Variants in ZNF862 observed in about 807,000 individuals in gnomAD.
The protein encoded by ZNF862 is zinc finger protein 862.
A neutral mutation model predicts 91.1 loss-of-function variants in ZNF862; 64 were observed. The ratio of observed to expected loss-of-function variants is 0.70; its 90% CI spans 0.57 to 0.87. The LOEUF (loss-of-function observed/expected upper bound fraction) is 0.87, where lower values mean the gene tolerates loss of function less well. Among genes scored for constraint, ZNF862 ranks in the 40% least tolerant of loss-of-function variants. The probability of loss-of-function intolerance (pLI) is 0.00; values close to 1 mark genes in which losing one functional copy is unlikely to be tolerated. For missense variants in ZNF862, 1,459 were observed against 1,528.0 expected (o/e 0.95, Z 0.75); for synonymous variants, 631 against 618.1 (o/e 1.02, Z -0.31).
Position 149,850,010 on chromosome 7 carries a change from T to C in ZNF862, c.940-151T>C. On this transcript the variant is annotated intron_variant, in intron 4 of 7. Transcript: ENST00000223210. The surrounding 1 kb of genome is among the most constrained non-coding windows in gnomAD (Gnocchi z 4.2). ...TTCTGGCCTCCTGAATTTGATTCTT[T>C]GACTTTCAGTGGATAAATTAATTCC... 1 of 788,984 alleles carries C rather than the reference T, an allele frequency of 1.3e-6. No individual in the cohort carries two copies. Among genetic ancestry groups the C allele is most frequent in the Non-Finnish European group, 2.0e-6 (1 of 495,770 alleles). 48.9% of individuals were successfully genotyped at this position (788,984 alleles called of 1,614,324 possible). A position where few individuals can be genotyped will look rare whatever the true frequency, so the allele number is the denominator to read the frequency against.
rs1428554295 is a variant in ZNF862 at position 149,861,889 on chromosome 7, T to C, written c.2729T>C (p.Leu910Pro). Reference protein sequence around the residue: ...GRLHGICLDKLEVAEQRFQAD... With the variant: ...GRLHGICLDKPEVAEQRFQAD... ...CTCCACGGCATCTGCTTGGACAAAC[T>C]GGAGGTAGCGGAACAGCGGTTCCAG... The change falls in exon 7 of 8, where the codon CTG becomes CCG. Residue 910 changes from leucine to proline, a missense_variant. Physicochemically the swap from Leu to Pro is moderately conservative, Grantham distance 98. Transcript: ENST00000223210. This position sits in a 1 kb window ranked among gnomAD's most constrained non-coding sequence, Gnocchi z 6.7. The C allele has an allele frequency of 1.9e-6, 3 of 1,613,502 alleles. No individual in the cohort carries two copies. In the African/African-American group the frequency reaches 4.0e-5, roughly 22 times the overall value.
rs773540981 is a variant in ZNF862, at chr7:149,867,334, C to G, written c.*3050C>G. 1.3e-5 allele frequency: 2 copies of G among 152,160 alleles called. No individual in the cohort carries two copies. The highest frequency in any genetic ancestry group is 4.8e-5 in the African/African-American group (2 of 41,414). 9.4% of individuals were successfully genotyped at this position (152,160 alleles called of 1,614,324 possible). ...AGTGTGGAGGGGCGGGTCCCTCATACAGGTGTGTGCTTAGCCAAATACAGT... is the reference window on the plus strand; with the variant it reads ...AGTGTGGAGGGGCGGGTCCCTCATAGAGGTGTGTGCTTAGCCAAATACAGT... On this transcript the variant is annotated 3_prime_UTR_variant, in exon 8 of 8. Coordinates refer to ENST00000223210, the MANE Select transcript of ZNF862 (RefSeq NM_001099220.3).
chr7:149,861,654 A>G lies in ZNF862; in HGVS notation c.2494A>G (p.Met832Val), dbSNP rs1327221689. The G allele has an allele frequency of 3.7e-6, 6 of 1,608,134 alleles. No homozygotes were observed. The highest frequency in any genetic ancestry group is 1.7e-5 in the Admixed American group (1 of 59,500). The change falls in exon 7 of 8, where the codon ATG becomes GTG. Residue 832 changes from methionine to valine, a missense_variant. Met to Val is a conservative substitution (Grantham distance 21). Transcript: ENST00000223210. The surrounding 1 kb of genome is among the most constrained non-coding windows in gnomAD (Gnocchi z 6.7). The stretch of plus-strand genomic sequence containing the variant: ...CCGGGCCAAAGGGATGCTGAAGCTC[A>G]TGCGCGGCTTCCACTTTGTCAAGTT... Reference protein sequence around the residue: ...GHRAKGMLKLMRGFHFVKFCH... With the variant: ...GHRAKGMLKLVRGFHFVKFCH...
chr7:149,861,022 C>T lies in ZNF862; in HGVS notation c.1862C>T (p.Ser621Leu), dbSNP rs750627628. The change falls in exon 7 of 8, where the codon TCG (serine) becomes TTG (leucine). Residue 621 changes from serine (S) to leucine (L), a missense_variant. Ser to Leu is a moderately radical substitution (Grantham distance 145). Transcript: ENST00000223210. This position sits in a 1 kb window ranked among gnomAD's most constrained non-coding sequence, Gnocchi z 6.7. Reference sequence around the variant, plus strand: ...GAGATCCTGGAGGACGTGCGGAACTCGCCCTGTGTGAGCGTGCTGCTGGAC... The same window carrying T: ...GAGATCCTGGAGGACGTGCGGAACTTGCCCTGTGTGAGCGTGCTGCTGGAC... ...KREILEDVRN[S>L]PCVSVLLDSS... 16 of 1,612,864 alleles carry T rather than the reference C, an allele frequency of 9.9e-6. No homozygotes were observed. Among genetic ancestry groups the T allele is most frequent in the South Asian group, 2.2e-5 (2 of 90,966 alleles).
At chr7:149,843,505 T>C (rs1041350139) in intron 1 of ZNF862, among the ~76,000 whole-genome samples, 2 of 151,970 alleles carry the variant, frequency 1.3e-5, no homozygotes, top group Admixed American at 1.3e-4. Context: ...TTGATGATAG[T>C]TTTTTTTAAG....
At chr7:149,842,658 G>C (rs567292921) in intron 1 of ZNF862, among the ~76,000 whole-genome samples, 1 of 152,334 alleles carries the variant, frequency 6.6e-6, no homozygotes, top group South Asian at 2.1e-4. Context: ...ATGCTCACCT[G>C]TGCATGCCCG....
At position 149,860,611 on chromosome 7, in the gene ZNF862, A is replaced by G. The variant is rs2128941574; in HGVS notation, c.1451A>G (p.Lys484Arg). 1 of 1,614,012 alleles carries G rather than the reference A, an allele frequency of 6.2e-7. No individual in the cohort carries two copies. The highest frequency in any genetic ancestry group is 1.7e-5 in the Admixed American group (1 of 60,026). Reference protein sequence around the residue: ...PWLVIDPKETKLFCSACIERP... With the variant: ...PWLVIDPKETRLFCSACIERP... ...TTAGTAATTGACCCCAAAGAGACCA[A>G]ACTCTTCTGCTCAGCCTGCATAGAA... The change falls in exon 7 of 8, where the codon AAA becomes AGA. Residue 484 changes from lysine (K) to arginine (R), a missense_variant. Lys to Arg is a conservative substitution (Grantham distance 26). Coordinates refer to ENST00000223210, the MANE Select transcript of ZNF862 (RefSeq NM_001099220.3).
Position 149,850,179 on chromosome 7 carries a change from C to G in ZNF862, c.958C>G (p.Leu320Val). Reference protein sequence around the residue: ...SCIQDPSAEGLSEEVPVVFEE... With the variant: ...SCIQDPSAEGVSEEVPVVFEE... ...GTTCCAGGACCCTTCTGCAGAGGGGCTGTCGGAGGAGGTTCCTGTGGTGTT... is the reference window on the plus strand; with the variant it reads ...GTTCCAGGACCCTTCTGCAGAGGGGGTGTCGGAGGAGGTTCCTGTGGTGTT... The change falls in exon 5 of 8, where the codon CTG becomes GTG. Residue 320 changes from leucine to valine, a missense_variant. Physicochemically the swap from Leu to Val is conservative, Grantham distance 32. Coordinates refer to ENST00000223210, the MANE Select transcript of ZNF862 (RefSeq NM_001099220.3). This position sits in a 1 kb window ranked among gnomAD's most constrained non-coding sequence, Gnocchi z 4.2. The G allele has an allele frequency of 6.4e-7, 1 of 1,573,732 alleles. No individual in the cohort carries two copies. Among genetic ancestry groups the G allele is most frequent in the Non-Finnish European group, 8.6e-7 (1 of 1,159,996 alleles).
At chr7:149,846,068 A>G (rs1020510462) in intron 2 of ZNF862, 83 bp from the exon 3 acceptor site, 4 of 943,994 alleles carry the variant, frequency 4.2e-6, no homozygotes, top group Non-Finnish European at 6.6e-6. Flanking sequence ...GCAGACAGAT[A>G]CCTCCTTCGT....
rs1288771340 is a variant in ZNF862 at position 149,864,142 on chromosome 7, T to G, written c.3368T>G (p.Leu1123Arg). The G allele has an allele frequency of 1.9e-6, 3 of 1,591,588 alleles. No homozygotes were observed. Among genetic ancestry groups the G allele is most frequent in the Non-Finnish European group, 2.6e-6 (3 of 1,169,360 alleles). The change falls in exon 8 of 8, where the codon CTC becomes CGC. Residue 1123 changes from leucine to arginine, a missense_variant. Leu to Arg is a moderately radical substitution (Grantham distance 102). Coordinates refer to ENST00000223210, the MANE Select transcript of ZNF862 (RefSeq NM_001099220.3). ...ARLRKEEMGA[L>R]YVEEPRTQKP... ...CTCAGGAAGGAGGAGATGGGAGCCC[T>G]CTATGTGGAGGAGCCCAGGACCCAG...
rs1203632764 is a variant in ZNF862, at chr7:149,855,358, C to T, written c.1118-4064C>T. ...GAAAATCTGGACTTCATTTAACACT[C>T]AATTCTTGCCTTTCCCTCCTCAACC... On this transcript the variant is annotated intron_variant, in intron 5 of 7. Transcript: ENST00000223210. This position sits in a 1 kb window ranked among gnomAD's most constrained non-coding sequence, Gnocchi z 4.1. Among the ~76,000 whole-genome samples the T allele has an allele frequency of 6.6e-6, 1 of 152,186 alleles. No individual in the cohort carries two copies. The highest frequency in any genetic ancestry group is 1.5e-5 in the Non-Finnish European group (1 of 68,038).
In ZNF862 at chr7:149,852,337, T is replaced by TTGTGTGTGTG. The variant is rs10674865; in HGVS notation, c.1117+2026_1117+2035dup. On this transcript the variant is annotated intron_variant, in intron 5 of 7. Transcript: ENST00000223210. ...ACAACTTCTTGGGGTGAACTCAGTT[T>TTGTGTGTGTG]TGTGTGTGTGTGTGTGTGTGTGTGT... 1.4e-3 allele frequency among the ~76,000 whole-genome samples: 194 copies of TTGTGTGTGTG among 140,502 alleles called. 2 individuals are homozygous for TTGTGTGTGTG. The highest frequency in any genetic ancestry group is 0.011 in the South Asian group (47 of 4,264). The allele number at this position is 140,502 out of a possible 152,430, so 92.2% of individuals were successfully genotyped here. A position where few individuals can be genotyped will look rare whatever the true frequency, so the allele number is the denominator to read the frequency against.
chr7:149,848,074 C>G lies in ZNF862; in HGVS notation c.581C>G (p.Ala194Gly). 1 of 1,614,052 alleles carries G rather than the reference C, an allele frequency of 6.2e-7. No individual in the cohort carries two copies. Among genetic ancestry groups the G allele is most frequent in the South Asian group, 1.1e-5 (1 of 91,084 alleles). The change falls in exon 4 of 8, where the codon GCG becomes GGG. Residue 194 changes from alanine to glycine, a missense_variant. By Grantham distance (60) the Ala-to-Gly change is moderately conservative. Coordinates refer to ENST00000223210, the MANE Select transcript of ZNF862 (RefSeq NM_001099220.3). ...PFKVETLKYH[A>G]KSKAHMFCVN... ...AAGGTGGAGACTCTCAAATACCACG[C>G]GAAGAGCAAGGCCCACATGTTCTGT...
At chr7:149,845,291 G>C (rs954560145) in intron 2 of ZNF862, among the ~76,000 whole-genome samples, 2 of 152,180 alleles carry the variant, frequency 1.3e-5, no homozygotes, top group African/African-American at 4.8e-5. Context: ...TTGATTCTTT[G>C]GGTAGACTTT....
intron 4 of ZNF862, among the ~76,000 whole-genome samples, chr7:149,848,914 A>G (rs1444589200): frequency 6.6e-6 from 1 of 151,944 alleles, no homozygotes; most frequent in Non-Finnish European, 1.5e-5. Context: ...AATCCTTCCC[A>G]CTCAGCCTCC....
At position 149,838,622 on chromosome 7, in the gene ZNF862, G is replaced by T. The variant is rs942175813; in HGVS notation, c.11G>T (p.Arg4Ile). 2.4e-6 allele frequency: 3 copies of T among 1,228,290 alleles called. No individual in the cohort carries two copies. The highest frequency in any genetic ancestry group is 3.1e-6 in the Non-Finnish European group (3 of 981,016). 76.1% of individuals were successfully genotyped at this position (1,228,290 alleles called of 1,614,324 possible). ...TCCGAAAGCGGGGCCATGGAGCCCA[G>T]AGAGTCGGGGAAGGTAGGACTGGAA... The part of the protein sequence containing the change: MEP[R>I]ESGKAPVTFD... Residue 4 changes from arginine (R) to isoleucine (I), a missense_variant, in exon 1 of 8, where the codon AGA (arginine) becomes ATA (isoleucine). By Grantham distance (97) the Arg-to-Ile change is moderately conservative (BLOSUM62 -3). Transcript: ENST00000223210.
intron 5 of ZNF862, chr7:149,852,634 G>A (rs1336136599): frequency 6.6e-6 from 1 of 152,224 alleles, no homozygotes; most frequent in African/African-American, 2.4e-5. Context: ...CCCCCAAAGT[G>A]TTGGATTACG....
Position 149,864,204 on chromosome 7 carries a change from G to T in ZNF862, c.3430G>T (p.Val1144Phe). The T allele has an allele frequency of 6.3e-7, 1 of 1,599,166 alleles. No homozygotes were observed. Among genetic ancestry groups the T allele is most frequent in the Non-Finnish European group, 8.5e-7 (1 of 1,173,276 alleles). Residue 1144 changes from valine (V) to phenylalanine (F), a missense_variant, in exon 8 of 8, where the codon GTT (valine) becomes TTT (phenylalanine). By Grantham distance (50) the Val-to-Phe change is conservative. Transcript: ENST00000223210. The stretch of plus-strand genomic sequence containing the variant: ...CCTGCCCTCCAGGGAAGCAGCGGAG[G>T]TTCTGAAGGACTGCATCATGGAGCC... ...PILPSREAAE[V>F]LKDCIMEPPE...
Position 149,864,334 on chromosome 7 carries a change from G to A in ZNF862, c.*50G>A. 13 of 1,528,460 alleles carry A rather than the reference G, an allele frequency of 8.5e-6. No homozygotes were observed. The highest frequency in any genetic ancestry group is 1.1e-5 in the Non-Finnish European group (13 of 1,134,784). 94.7% of individuals were successfully genotyped at this position (1,528,460 alleles called of 1,614,324 possible). On this transcript the variant is annotated 3_prime_UTR_variant, in exon 8 of 8. Transcript: ENST00000223210. Reference sequence around the variant, plus strand: ...CTTGGAGACGCCTCTGTGATCACTGGGACAGGCTCTGCAGATTCTAGGCTG... The same window carrying A: ...CTTGGAGACGCCTCTGTGATCACTGAGACAGGCTCTGCAGATTCTAGGCTG...
Sources: gnomAD v4.1 joint callset for allele counts (sites outside exome capture counted in the v4.1 genomes callset) on GRCh38, gnomAD v4.1.1 for gene constraint, Gnocchi (gnomAD v3.1) non-coding constraint, MANE v1.5 for transcripts, NCBI Gene and HGNC (gene_info 2026-07-23, HGNC 2026-07-21) for gene names.